Variants in NCDN observed in about 807,000 individuals in gnomAD.
NCDN encodes the protein neurochondrin.
In NCDN, 9 loss-of-function variants were observed where a neutral mutation model predicts 60.7. That is an observed-to-expected ratio of 0.15 (90% CI 0.09 to 0.26). The LOEUF (loss-of-function observed/expected upper bound fraction) is 0.26. NCDN is among the 10% of genes least tolerant of loss of function. The pLI, the probability that NCDN is intolerant of heterozygous loss-of-function variation, is 1.00. For missense variants in NCDN, 578 were observed against 975.2 expected (o/e 0.59, Z 5.42); for synonymous variants, 409 against 442.5 (o/e 0.92, Z 0.95).
In NCDN at chr1:35,565,393, C is replaced by T. The variant is rs748422605; in HGVS notation, c.1920C>T (p.Gly640=). The change falls in exon 7 of 7, where the codon GGC becomes GGT. Residue 640 remains glycine, a synonymous_variant. Coordinates refer to ENST00000373243, the MANE Select transcript of NCDN (RefSeq NM_014284.3). This position sits in a 1 kb window ranked among gnomAD's most constrained non-coding sequence, Gnocchi z 8.9. The stretch of plus-strand genomic sequence containing the variant: ...ACCTGCAGGAGCTCTGGTTCCTGGG[C>T]ATGCAGGCCTTCACCGGCTGTGTGC... The part of the protein sequence containing the change: ...WADLQELWFL[G]MQAFTGCVPL... The T allele has an allele frequency of 3.1e-6, 5 of 1,612,876 alleles. No individual in the cohort carries two copies. The Admixed American group carries it at 8.3e-5, about 27-fold the overall frequency.
rs1381839831 is a variant in NCDN at position 35,561,385 on chromosome 1, C to T, written c.1143+91C>T. On this transcript the variant is annotated intron_variant, in intron 3 of 6. Transcript: ENST00000373243. This position sits in a 1 kb window ranked among gnomAD's most constrained non-coding sequence, Gnocchi z 4.9. ...AAGGGGGAGGAGAATAATGGGGAGA[C>T]AGCGAAGCTGCATGTCCACACAAGC... 10 of 1,469,314 alleles carry T rather than the reference C, an allele frequency of 6.8e-6. No homozygotes were observed. The highest frequency in any genetic ancestry group is 9.0e-6 in the Non-Finnish European group (10 of 1,113,456). The allele number at this position is 1,469,314 out of a possible 1,614,324, so 91.0% of individuals were successfully genotyped here.
At chr1:35,564,639 C>T (rs1360009409) in intron 6 of NCDN, among the ~76,000 whole-genome samples, 2 of 152,240 alleles carry the variant, frequency 1.3e-5, no homozygotes, top group Non-Finnish European at 2.9e-5. Flanking sequence ...GCCCACTCTG[C>T]ACTCTCAGTC....
rs1648886492 is a variant in NCDN, at chr1:35,566,630, CA to C, written c.*968del. 1.4e-3 allele frequency: 32 copies of C among 23,152 alleles called. No homozygotes were observed. Among genetic ancestry groups the C allele is most frequent in the South Asian group, 3.1e-3 (5 of 1,612 alleles). 1.4% of individuals were successfully genotyped at this position (23,152 alleles called of 1,614,324 possible). A position where few individuals can be genotyped will look rare whatever the true frequency, so the allele number is the denominator to read the frequency against. ...ACCTTTCTTATAAACCCAGGGGGAC[CA>C]CACACACACACACACACACACACAC... On this transcript the variant is annotated 3_prime_UTR_variant, in exon 7 of 7. Transcript: ENST00000373243. This position sits in a 1 kb window ranked among gnomAD's most constrained non-coding sequence, Gnocchi z 5.3.
rs1648838860 is a variant in NCDN, at chr1:35,565,414, T to C, written c.1941T>C (p.Cys647=). 6.2e-7 allele frequency: 1 copy of C among 1,612,722 alleles called. No homozygotes were observed. Among genetic ancestry groups the C allele is most frequent in the South Asian group, 1.1e-5 (1 of 91,028 alleles). ...TGGGCATGCAGGCCTTCACCGGCTGTGTGCCTCTGCTGCCCTGGCTGGCCC... is the reference window on the plus strand; with the variant it reads ...TGGGCATGCAGGCCTTCACCGGCTGCGTGCCTCTGCTGCCCTGGCTGGCCC... ...WFLGMQAFTG[C]VPLLPWLAPA... is the part of the protein sequence containing the mutation. Residue 647 remains cysteine, a synonymous_variant, in exon 7 of 7, where the codon TGT becomes TGC. Coordinates refer to ENST00000373243, the MANE Select transcript of NCDN (RefSeq NM_014284.3). The surrounding 1 kb of genome is among the most constrained non-coding windows in gnomAD (Gnocchi z 8.9).
In NCDN at chr1:35,558,269, C is replaced by G; in HGVS notation, c.33+46C>G. 1 of 1,613,232 alleles carries G rather than the reference C, an allele frequency of 6.2e-7. No homozygotes were observed. Among genetic ancestry groups the G allele is most frequent in the Non-Finnish European group, 8.5e-7 (1 of 1,179,434 alleles). ...TCCTCCCCTTCTCATCTCCCCATCT[C>G]AGCAGCCCTGCTTCGATTATCCGGC... is the stretch of plus-strand genomic sequence containing the variant. On this transcript the variant is annotated intron_variant, in intron 1 of 6. Coordinates refer to ENST00000373243, the MANE Select transcript of NCDN (RefSeq NM_014284.3). This position sits in a 1 kb window ranked among gnomAD's most constrained non-coding sequence, Gnocchi z 6.3.
chr1:35,558,641 T>C lies in NCDN; in HGVS notation c.33+418T>C. The C allele has an allele frequency of 8.7e-7, 1 of 1,146,580 alleles. No individual in the cohort carries two copies. The highest frequency in any genetic ancestry group is 1.1e-6 in the Non-Finnish European group (1 of 928,518). 71.0% of individuals were successfully genotyped at this position (1,146,580 alleles called of 1,614,324 possible). A position where few individuals can be genotyped will look rare whatever the true frequency, so the allele number is the denominator to read the frequency against. On this transcript the variant is annotated intron_variant, in intron 1 of 6. Coordinates refer to ENST00000373243, the MANE Select transcript of NCDN (RefSeq NM_014284.3). This position sits in a 1 kb window ranked among gnomAD's most constrained non-coding sequence, Gnocchi z 6.3. ...GGGGAAAGGAAGCCTGGGGTGTCCT[T>C]TTCTCCCATGTCAGCCTGAGTCCGG... is the stretch of plus-strand genomic sequence containing the variant.
Position 35,559,238 on chromosome 1 carries a change from C to T in NCDN, c.165C>T (p.Ala55=), listed in dbSNP as rs978792770. The T allele has an allele frequency of 1.2e-6, 2 of 1,614,118 alleles. No homozygotes were observed. Among genetic ancestry groups the T allele is most frequent in the Non-Finnish European group, 1.7e-6 (2 of 1,180,010 alleles). The change falls in exon 2 of 7, where the codon GCC becomes GCT. Residue 55 remains alanine (A), a synonymous_variant. Coordinates refer to ENST00000373243, the MANE Select transcript of NCDN (RefSeq NM_014284.3). ...AGAATGACAGCGAGCAGTTTGCAGC[C>T]CTGCTGCTAGTAAGGAACTGGCTGA... ...EAKNDSEQFA[A]LLLVTKAVKA... is the part of the protein sequence containing the mutation.
At position 35,563,767 on chromosome 1, in the gene NCDN, G is replaced by T; in HGVS notation, c.1611G>T (p.Lys537Asn). The T allele has an allele frequency of 6.2e-7, 1 of 1,612,936 alleles. No individual in the cohort carries two copies. The highest frequency in any genetic ancestry group is 8.5e-7 in the Non-Finnish European group (1 of 1,179,688). The change falls in exon 6 of 7, where the codon AAG (lysine) becomes AAT (asparagine). Residue 537 changes from lysine to asparagine, a missense_variant and splice_region_variant. By Grantham distance (94) the Lys-to-Asn change is moderately conservative. This residue lies in a region of NCDN where 191 missense variants were observed against 372.1 expected (regional missense o/e 0.51). Transcript: ENST00000373243. The surrounding 1 kb of genome is among the most constrained non-coding windows in gnomAD (Gnocchi z 6.6). The part of the protein sequence containing the change: ...NLVVTAPGLI[K>N]RDACFTSLMN... The stretch of plus-strand genomic sequence containing the variant: ...CATCCTTCCCCCCTTTCTTTTCCAG[G>T]CGTGACGCCTGCTTCACATCTCTAA...
Position 35,563,753 on chromosome 1 carries a change from C to A in NCDN, c.1611-14C>A, listed in dbSNP as rs955448691. ...CCCCCACCTACCTCCATCCTTCCCC[C>A]CTTTCTTTTCCAGGCGTGACGCCTG... On this transcript the variant is annotated splice_polypyrimidine_tract_variant and intron_variant, in intron 5 of 6. Coordinates refer to ENST00000373243, the MANE Select transcript of NCDN (RefSeq NM_014284.3). This position sits in a 1 kb window ranked among gnomAD's most constrained non-coding sequence, Gnocchi z 6.6. 1.9e-6 allele frequency: 3 copies of A among 1,613,506 alleles called. No homozygotes were observed. The highest frequency in any genetic ancestry group is 1.1e-5 in the South Asian group (1 of 91,000).
At position 35,561,964 on chromosome 1, in the gene NCDN, G is replaced by A. The variant is rs1020848827; in HGVS notation, c.1144-428G>A. The stretch of plus-strand genomic sequence containing the variant: ...GAGCATCCCCTCACTCCCACCATTG[G>A]GAGCAGTTACACAGTAGCCAGGAAC... On this transcript the variant is annotated intron_variant, in intron 3 of 6. Transcript: ENST00000373243. The surrounding 1 kb of genome is among the most constrained non-coding windows in gnomAD (Gnocchi z 4.9). Among the ~76,000 whole-genome samples the A allele has an allele frequency of 1.3e-5, 2 of 152,152 alleles. No individual in the cohort carries two copies. The highest frequency in any genetic ancestry group is 2.9e-5 in the Non-Finnish European group (2 of 68,020).
rs550971291 is a variant in NCDN, at chr1:35,561,375, A to G, written c.1143+81A>G. On this transcript the variant is annotated intron_variant, in intron 3 of 6. Transcript: ENST00000373243. The surrounding 1 kb of genome is among the most constrained non-coding windows in gnomAD (Gnocchi z 4.9). The stretch of plus-strand genomic sequence containing the variant: ...GCTGGGAGGCAAGGGGGAGGAGAAT[A>G]ATGGGGAGACAGCGAAGCTGCATGT... The G allele has an allele frequency of 1.1e-4, 158 of 1,491,036 alleles. 1 individual carries two copies. The East Asian group carries it at 3.6e-3, about 34-fold the overall frequency. The allele number at this position is 1,491,036 out of a possible 1,614,324, so 92.4% of individuals were successfully genotyped here.
chr1:35,558,203 G>T lies in NCDN; in HGVS notation c.13G>T (p.Asp5Tyr). ...CGTGACTTCATCAATGTCGTGTTGT[G>T]ACCTGGCTGCGGCGGGACAGGTGGT... is the stretch of plus-strand genomic sequence containing the variant. MSCC[D>Y]LAAAGQLGKA... The change falls in exon 1 of 7, where the codon GAC (aspartate) becomes TAC (tyrosine). Residue 5 changes from aspartate (D) to tyrosine (Y), a missense_variant. Transcript: ENST00000373243. The surrounding 1 kb of genome is among the most constrained non-coding windows in gnomAD (Gnocchi z 6.3). 1 of 1,614,046 alleles carries T rather than the reference G, an allele frequency of 6.2e-7. No homozygotes were observed. The highest frequency in any genetic ancestry group is 8.5e-7 in the Non-Finnish European group (1 of 1,180,008).
rs1244930732 is a variant in NCDN, at chr1:35,563,937, G to T, written c.1753+28G>T. The T allele has an allele frequency of 6.2e-7, 1 of 1,600,762 alleles. No homozygotes were observed. Among genetic ancestry groups the T allele is most frequent in the South Asian group, 1.1e-5 (1 of 89,240 alleles). ...AAGAACTGGGGATCCAGTCCTGATG[G>T]GTGAGGACAGAAGACCTGGGTGGAC... is the stretch of plus-strand genomic sequence containing the variant. On this transcript the variant is annotated intron_variant, in intron 6 of 6. Coordinates refer to ENST00000373243, the MANE Select transcript of NCDN (RefSeq NM_014284.3). The surrounding 1 kb of genome is among the most constrained non-coding windows in gnomAD (Gnocchi z 6.6).
In NCDN at chr1:35,563,273, C is replaced by T; in HGVS notation, c.1457C>T (p.Ala486Val). 1 of 1,614,204 alleles carries T rather than the reference C, an allele frequency of 6.2e-7. No homozygotes were observed. Among genetic ancestry groups the T allele is most frequent in the East Asian group, 2.2e-5 (1 of 44,886 alleles). The stretch of plus-strand genomic sequence containing the variant: ...CGGGAGATCCTGATCAAGGAAGGGG[C>T]CCCCTCGCTTCTGTGCAAGTATTTC... ...GPREILIKEG[A>V]PSLLCKYFLQ... The change falls in exon 5 of 7, where the codon GCC becomes GTC. Residue 486 changes from alanine to valine, a missense_variant. Ala to Val is a moderately conservative substitution (Grantham distance 64). Around this residue, in one of 3 missense-constraint regions of NCDN, gnomAD observed 191 missense variants for 372.1 expected, o/e 0.51. Transcript: ENST00000373243. This position sits in a 1 kb window ranked among gnomAD's most constrained non-coding sequence, Gnocchi z 6.6.
Position 35,558,608 on chromosome 1 carries a change from AGAAGGGAGGGGAAAG to A in NCDN, c.33+390_33+404del, listed in dbSNP as rs1258290732. The stretch of plus-strand genomic sequence containing the variant: ...TTCTGAAGCGTATCTCTGCCTCTGA[AGAAGGGAGGGGAAAG>A]GAAGCCTGGGGTGTCCTTTTCTCCC... On this transcript the variant is annotated intron_variant, in intron 1 of 6. Transcript: ENST00000373243. The surrounding 1 kb of genome is among the most constrained non-coding windows in gnomAD (Gnocchi z 6.3). The A allele has an allele frequency of 1.7e-5, 20 of 1,184,140 alleles. No individual in the cohort carries two copies. Among genetic ancestry groups the A allele is most frequent in the Non-Finnish European group, 1.9e-5 (18 of 951,192 alleles). 73.4% of individuals were successfully genotyped at this position (1,184,140 alleles called of 1,614,324 possible).
In NCDN at chr1:35,565,816, G is replaced by A. The variant is rs530779480; in HGVS notation, c.*153G>A. On this transcript the variant is annotated 3_prime_UTR_variant, in exon 7 of 7. Transcript: ENST00000373243. This position sits in a 1 kb window ranked among gnomAD's most constrained non-coding sequence, Gnocchi z 8.9. Reference sequence around the variant, plus strand: ...GCTTTTCTGAGGGCAAGGGCATGGTGCCCACCCCTCAAGTGTAAGGAACTG... The same window carrying A: ...GCTTTTCTGAGGGCAAGGGCATGGTACCCACCCCTCAAGTGTAAGGAACTG... The A allele has an allele frequency of 1.4e-5, 11 of 814,204 alleles. No homozygotes were observed. The highest frequency in any genetic ancestry group is 1.1e-4 in the East Asian group (4 of 37,054). 50.4% of individuals were successfully genotyped at this position (814,204 alleles called of 1,614,324 possible).
In NCDN at chr1:35,565,141, A is replaced by G; in HGVS notation, c.1754-86A>G. On this transcript the variant is annotated intron_variant, in intron 6 of 6. Coordinates refer to ENST00000373243, the MANE Select transcript of NCDN (RefSeq NM_014284.3). This position sits in a 1 kb window ranked among gnomAD's most constrained non-coding sequence, Gnocchi z 8.9. ...TTCCAGGCTGTGCCCTGGCTCCTGC[A>G]TGTGTCTACACAGAGGACTAGGGAA... The G allele has an allele frequency of 2.2e-6, 3 of 1,341,474 alleles. No individual in the cohort carries two copies. Among genetic ancestry groups the G allele is most frequent in the Admixed American group, 4.4e-5 (2 of 45,372 alleles). 83.1% of individuals were successfully genotyped at this position (1,341,474 alleles called of 1,614,324 possible).
Position 35,561,893 on chromosome 1 carries a change from T to C in NCDN, c.1144-499T>C, listed in dbSNP as rs1648719557. Among the ~76,000 whole-genome samples the C allele has an allele frequency of 6.6e-6, 1 of 152,158 alleles. No homozygotes were observed. On this transcript the variant is annotated intron_variant, in intron 3 of 6. Transcript: ENST00000373243. This position sits in a 1 kb window ranked among gnomAD's most constrained non-coding sequence, Gnocchi z 4.9. Reference sequence around the variant, plus strand: ...CCGAGCTCACCAGCCATATATTCCATGCACCACGCTAAGCTCATGTCTTTT... The same window carrying C: ...CCGAGCTCACCAGCCATATATTCCACGCACCACGCTAAGCTCATGTCTTTT...
Position 35,557,910 on chromosome 1 carries a change from C to T in NCDN, c.-281C>T. On this transcript the variant is annotated 5_prime_UTR_variant, in exon 1 of 7. Transcript: ENST00000373243. ...TGAGCTCAGCCCCCTTCGGGCCCTC[C>T]CCTGCATCCCAGCCGGGGCCTCTCC... 1 of 624,398 alleles carries T rather than the reference C, an allele frequency of 1.6e-6. No individual in the cohort carries two copies. Among genetic ancestry groups the T allele is most frequent in the Non-Finnish European group, 2.9e-6 (1 of 345,198 alleles). The allele number at this position is 624,398 out of a possible 1,614,324, so 38.7% of individuals were successfully genotyped here.
Sources: gnomAD v4.1 joint callset for allele counts (sites outside exome capture counted in the v4.1 genomes callset) on GRCh38, gnomAD v4.1.1 for gene constraint, gnomAD v4.1.1 regional missense constraint, Gnocchi (gnomAD v3.1) non-coding constraint, MANE v1.5 for transcripts, NCBI Gene and HGNC (gene_info 2026-07-23, HGNC 2026-07-21) for gene names.